EXOC3: variants seen among roughly 807,000 people sequenced by gnomAD.
EXOC3 encodes SEC6-like 1.
In EXOC3, 21 loss-of-function variants were observed where a neutral mutation model predicts 73.7. The observed-to-expected ratio is 0.29, with a 90% confidence interval of 0.20 to 0.41. The LOEUF is 0.41. Among genes scored for constraint, EXOC3 ranks in the 10% least tolerant of loss-of-function variants. The pLI, the probability that EXOC3 is intolerant of heterozygous loss-of-function variation, is 1.00. For missense variants in EXOC3, 842 were observed against 985.1 expected (o/e 0.85, Z 1.95); for synonymous variants, 410 against 389.1 (o/e 1.05, Z -0.63).
At chr5:463,989 A>G (rs1029053667) in intron 9 of EXOC3, among the ~76,000 whole-genome samples, 3 of 152,282 alleles carry the variant, frequency 2.0e-5, no homozygotes, top group Admixed American at 6.5e-5. Flanking sequence ...TATATAATCA[A>G]ATTTTTACCT....
At chr5:455,370 A>G (rs1381638395) in intron 4 of EXOC3, among the ~76,000 whole-genome samples, 2 of 152,216 alleles carry the variant, frequency 1.3e-5, no homozygotes, top group African/African-American at 4.8e-5. Context: ...CGTGAGTTCC[A>G]TCACCCCGGC....
chr5:463,040 G>C (rs944947989), intron 9 of EXOC3, among the ~76,000 whole-genome samples: 3 of 152,216 alleles, frequency 2.0e-5, no homozygotes, highest in Non-Finnish European at 4.4e-5. Flanking sequence ...GGGAGGTGGA[G>C]GTTGCAGTGA....
Position 465,164 on chromosome 5 carries a change from C to T in EXOC3, c.1830C>T (p.Val610=). 1 of 1,596,958 alleles carries T rather than the reference C, an allele frequency of 6.3e-7. No individual in the cohort carries two copies. The highest frequency in any genetic ancestry group is 8.5e-7 in the Non-Finnish European group (1 of 1,172,504). The part of the protein sequence containing the change: ...RRVVVEYLRA[V]MQKRISFRSP... ...TGGTGGTGGAGTACCTGCGGGCGGT[C>T]ATGCAGAAGCGCATTTCCTTCCGGA... Residue 610 remains valine (V), a synonymous_variant, in exon 11 of 13, where the codon GTC becomes GTT. Transcript: ENST00000512944.
intron 3 of EXOC3, 128 bp downstream of exon 3, chr5:447,880 C>T: frequency 4.5e-6 from 3 of 660,004 alleles, no homozygotes; most frequent in Non-Finnish European, 7.7e-6. Context: ...TGATTCTTGT[C>T]TGCTCAGCGT....
chr5:447,694 C>T lies in EXOC3; in HGVS notation c.306C>T (p.Ala102=), dbSNP rs10462616. Residue 102 remains alanine (A), a synonymous_variant, in exon 3 of 13, where the codon GCC becomes GCT. Coordinates refer to ENST00000512944, the MANE Select transcript of EXOC3 (RefSeq NM_007277.5). ...AGAGCCTCAAGGACGTCAAAGACGC[C>T]GTGGTGCAGCACAGCCAGCTCGCCG... ...TIESLKDVKD[A]VVQHSQLAAA... The T allele has an allele frequency of 2.4e-5, 38 of 1,591,332 alleles. No individual in the cohort carries two copies. The East Asian group carries it at 4.4e-4, about 18-fold the overall frequency.
At position 443,682 on chromosome 5, in the gene EXOC3, G is replaced by A. The variant is rs146474714; in HGVS notation, c.-57+392G>A. Among the ~76,000 whole-genome samples, 5 of 151,332 alleles carry A rather than the reference G, an allele frequency of 3.3e-5. No homozygotes were observed. The East Asian group carries it at 9.7e-4, about 29-fold the overall frequency. The stretch of plus-strand genomic sequence containing the variant: ...GGGGCAGATGTCCCTCCAGGCACAA[G>A]TGTCCTTCCTGGCGCAGGTGTCCCC... On this transcript the variant is annotated intron_variant, in intron 1 of 12. Coordinates refer to ENST00000512944, the MANE Select transcript of EXOC3 (RefSeq NM_007277.5).
intron 7 of EXOC3, among the ~76,000 whole-genome samples, chr5:460,246 C>CT (rs373628387): frequency 3.3e-5 from 5 of 152,214 alleles, no homozygotes; most frequent in African/African-American, 1.2e-4. Context: ...TCCTAGGCCT[C>CT]TGGTAAGCCG....
At chr5:464,698 G>A (rs1024628976) in intron 10 of EXOC3, 2 of 428,612 alleles carry the variant, frequency 4.7e-6, no homozygotes, top group East Asian at 4.5e-5. Flanking sequence ...ACTCCCTGAG[G>A]CCCCAGGGAT....
At chr5:447,842 C>T (rs1042265891) in intron 3 of EXOC3, 90 bp downstream of exon 3, 14 of 899,108 alleles carry the variant, frequency 1.6e-5, no homozygotes, top group African/African-American at 1.3e-4. Flanking sequence ...CTTTGCAGCC[C>T]GCACTGTAGA....
At chr5:452,913 G>T (rs1042307220) in intron 3 of EXOC3, among the ~76,000 whole-genome samples, 1 of 152,248 alleles carries the variant, frequency 6.6e-6, no homozygotes, top group Non-Finnish European at 1.5e-5. Flanking sequence ...GGAGCTCTGT[G>T]GGGGTGAGGA....
chr5:447,891 CTTTT>C, intron 3 of EXOC3, 139 bp downstream of exon 3: 2 of 633,974 alleles, frequency 3.2e-6, no homozygotes, highest in Admixed American at 3.3e-5. Context: ...TGCTCAGCGT[CTTTT>C]TTTGAACGTG....
chr5:462,219 C>A lies in EXOC3; in HGVS notation c.1565C>A (p.Pro522Gln), dbSNP rs774053027. 3 of 1,613,946 alleles carry A rather than the reference C, an allele frequency of 1.9e-6. No homozygotes were observed. Among genetic ancestry groups the A allele is most frequent in the Non-Finnish European group, 2.5e-6 (3 of 1,179,886 alleles). ...AATGAAGTGGAAGAGGGTGTGTCTC[C>A]GAGCCAGCCCAGCATGGACGGGATT... The part of the protein sequence containing the change: ...LKNEVEEGVS[P>Q]SQPSMDGILD... The change falls in exon 9 of 13, where the codon CCG becomes CAG. Residue 522 changes from proline to glutamine, a missense_variant. Transcript: ENST00000512944.
intron 10 of EXOC3, chr5:464,645 G>A (rs1357614347): frequency 8.2e-6 from 4 of 486,670 alleles, no homozygotes; most frequent in African/African-American, 3.9e-5. Context: ...CATGGTTCCC[G>A]GAGAGGCCCG....
Position 447,825 on chromosome 5 carries a change from C to T in EXOC3, c.364+73C>T. The T allele has an allele frequency of 4.4e-6, 5 of 1,136,506 alleles. No homozygotes were observed. In the South Asian group the frequency reaches 7.6e-5, roughly 17 times the overall value. The allele number at this position is 1,136,506 out of a possible 1,614,324, so 70.4% of individuals were successfully genotyped here. ...CATGACTCACTGAGTGCTCTGTGTG[C>T]AGTGTGCTTTGCAGCCCGCACTGTA... On this transcript the variant is annotated intron_variant, in intron 3 of 12. Coordinates refer to ENST00000512944, the MANE Select transcript of EXOC3 (RefSeq NM_007277.5).
At position 461,816 on chromosome 5, in the gene EXOC3, T is replaced by A. The variant is rs552111097; in HGVS notation, c.1392-144T>A. ...TCTGTCCTTCCATTAGTCTGGATCG[T>A]CTAAAGATTGTTTTATTTTTAGAGG... On this transcript the variant is annotated intron_variant, in intron 7 of 12. Coordinates refer to ENST00000512944, the MANE Select transcript of EXOC3 (RefSeq NM_007277.5). 400 of 630,296 alleles carry A rather than the reference T, an allele frequency of 6.3e-4. 1 individual carries two copies. In the African/African-American group the frequency reaches 6.6e-3, roughly 10 times the overall value. The allele number at this position is 630,296 out of a possible 1,614,324, so 39.0% of individuals were successfully genotyped here.
intron 2 of EXOC3, 117 bp downstream of exon 2, chr5:446,466 G>C: frequency 1.1e-6 from 1 of 923,136 alleles, no homozygotes; most frequent in Non-Finnish European, 1.6e-6. Flanking sequence ...GGCAGAGCTG[G>C]ACTTTCTTGA....
rs1737392095 is a variant in EXOC3 at position 443,275 on chromosome 5, G to GGCA, written c.-70_-69insAGC. 1.4e-5 allele frequency: 2 copies of GGCA among 142,868 alleles called. 1 individual carries two copies. The highest frequency in any genetic ancestry group is 3.8e-4 in the South Asian group (2 of 5,298). The allele number at this position is 142,868 out of a possible 1,614,324, so 8.9% of individuals were successfully genotyped here. ...CGGCGGCGGCGGCGGCGGCGGCGGCGGCGTAGCCGTAGAGGGTGAGTCGGT... is the reference window on the plus strand; with the variant it reads ...CGGCGGCGGCGGCGGCGGCGGCGGCGGCAGCGTAGCCGTAGAGGGTGAGTCGGT... On this transcript the variant is annotated 5_prime_UTR_variant, in exon 1 of 13. Coordinates refer to ENST00000512944, the MANE Select transcript of EXOC3 (RefSeq NM_007277.5).
At chr5:466,681 C>T in intron 12 of EXOC3, 46 bp from the exon 13 acceptor site, 1 of 1,577,624 alleles carries the variant, frequency 6.3e-7, no homozygotes, top group Non-Finnish European at 8.6e-7. Context: ...CGTGGTGCAT[C>T]ACAGGGCTGC....
chr5:447,527 C>CT lies in EXOC3; in HGVS notation c.145-3dup. 6.5e-7 allele frequency: 1 copy of CT among 1,548,256 alleles called. No individual in the cohort carries two copies. The highest frequency in any genetic ancestry group is 8.7e-7 in the Non-Finnish European group (1 of 1,143,232). ...CTCTGCTCACCCGTGTGGCGTCTCTCTTTAGGCCGCCATCCAGTCACAGTT... is the reference window on the plus strand; with the variant it reads ...CTCTGCTCACCCGTGTGGCGTCTCTCTTTTAGGCCGCCATCCAGTCACAGTT... On this transcript the variant is annotated splice_polypyrimidine_tract_variant and splice_region_variant and intron_variant, in intron 2 of 12. Coordinates refer to ENST00000512944, the MANE Select transcript of EXOC3 (RefSeq NM_007277.5).
Sources: allele counts gnomAD v4.1 joint callset (sites outside exome capture counted in the v4.1 genomes callset), GRCh38; gene constraint gnomAD v4.1.1; transcripts MANE v1.5; gene names NCBI Gene and HGNC (gene_info 2026-07-23, HGNC 2026-07-21).